The following TPD52L1 variants were observed in gnomAD, a reference collection of about 807,000 sequenced individuals.
TPD52L1 encodes the protein TPD52 like 1.
Under a neutral mutation model 28.7 loss-of-function variants are expected in TPD52L1, and 18 were observed. The ratio of observed to expected loss-of-function variants is 0.63; its 90% CI spans 0.43 to 0.93. TPD52L1 has a LOEUF of 0.93. Ranked by LOEUF, TPD52L1 falls within the 40% of genes least tolerant of loss-of-function variation. The pLI, the probability that TPD52L1 is intolerant of heterozygous loss-of-function variation, is 0.00. For synonymous variants in TPD52L1, 75 were observed against 88.8 expected (o/e 0.84, Z 0.88); for missense variants, 203 against 254.8 (o/e 0.80, Z 1.39).
rs185485034 is a variant in TPD52L1 at position 125,228,039 on chromosome 6, G to A, written c.136-1079G>A. 3.8e-3 allele frequency among the ~76,000 whole-genome samples: 579 copies of A among 152,234 alleles called. 8 individuals carry two copies. The highest frequency in any genetic ancestry group is 0.013 in the African/African-American group (553 of 41,544). On this transcript the variant is annotated intron_variant, in intron 2 of 6. Transcript: ENST00000534000. The stretch of plus-strand genomic sequence containing the variant: ...TAGAATACTACTCTGCAAAAAAAGG[G>A]GAAGAACCATTGATAATGCAGCAAC...
In TPD52L1 at chr6:125,263,001, T is replaced by C; in HGVS notation, c.*39T>C. On this transcript the variant is annotated 3_prime_UTR_variant, in exon 7 of 7. Coordinates refer to ENST00000534000, the MANE Select transcript of TPD52L1 (RefSeq NM_003287.4). ...GCAGCTGCATCCAGAAACCGGCCACTACCCAGCCCATCTCTGCCTGTGCTT... is the reference window on the plus strand; with the variant it reads ...GCAGCTGCATCCAGAAACCGGCCACCACCCAGCCCATCTCTGCCTGTGCTT... 2 of 1,588,580 alleles carry C rather than the reference T, an allele frequency of 1.3e-6. No individual in the cohort carries two copies. The highest frequency in any genetic ancestry group is 1.7e-6 in the Non-Finnish European group (2 of 1,168,048).
chr6:125,244,338 A>C (rs1020008680), intron 3 of TPD52L1, among the ~76,000 whole-genome samples: 2 of 152,232 alleles, frequency 1.3e-5, no homozygotes, highest in South Asian at 2.1e-4. Flanking sequence ...AGGTGGGTAG[A>C]TGTAATACCC....
intron 3 of TPD52L1, among the ~76,000 whole-genome samples, chr6:125,247,907 C>T (rs764751275): frequency 7.2e-5 from 11 of 152,198 alleles, no homozygotes; most frequent in Admixed American, 2.6e-4. Flanking sequence ...CCTGCATTCT[C>T]TAATTTCTGT....
At chr6:125,215,884 T>C (rs1209196442) in intron 1 of TPD52L1, among the ~76,000 whole-genome samples, 3 of 152,168 alleles carry the variant, frequency 2.0e-5, no homozygotes, top group Non-Finnish European at 4.4e-5. Context: ...CCCTGGAGCA[T>C]GTCTTCTCAC....
chr6:125,156,563 A>G (rs1159099230), intron 1 of TPD52L1, among the ~76,000 whole-genome samples: 2 of 151,658 alleles, frequency 1.3e-5, no homozygotes, highest in Non-Finnish European at 2.9e-5. Context: ...TGAGCCCAGG[A>G]GTTTGAGATC....
intron 1 of TPD52L1, among the ~76,000 whole-genome samples, chr6:125,199,696 A>T (rs1264347463): frequency 6.6e-6 from 1 of 152,224 alleles, no homozygotes; most frequent in East Asian, 1.9e-4. Context: ...AAAAAAAATC[A>T]AAATAAAAGT....
intron 1 of TPD52L1, among the ~76,000 whole-genome samples, chr6:125,170,501 G>A (rs1486722820): frequency 6.6e-6 from 1 of 150,688 alleles, no homozygotes; most frequent in Non-Finnish European, 1.5e-5. Context: ...ATAAATCGGA[G>A]TTTCCTAATC....
rs551986767 is a variant in TPD52L1, at chr6:125,175,352, G to A, written c.19+21382G>A. On this transcript the variant is annotated intron_variant, in intron 1 of 6. Coordinates refer to ENST00000534000, the MANE Select transcript of TPD52L1 (RefSeq NM_003287.4). ...TTTCAACTTTTATAAGAAATGAATA[G>A]TTTAAAAATTTTATAAATTATTTTA... Among the ~76,000 whole-genome samples, 332 of 152,224 alleles carry A rather than the reference G, an allele frequency of 2.2e-3. 1 individual carries two copies. Among genetic ancestry groups the A allele is most frequent in the Non-Finnish European group, 3.9e-3 (265 of 68,006 alleles).
At chr6:125,172,532 A>ATATATATAT (rs1554202668) in intron 1 of TPD52L1, among the ~76,000 whole-genome samples, 5 of 95,034 alleles carry the variant, frequency 5.3e-5, no homozygotes, top group Non-Finnish European at 7.8e-5. Flanking sequence ...ATATATATAT[A>ATATATATAT]TATATATATA....
chr6:125,220,444 AT>A (rs1323513627), intron 2 of TPD52L1, among the ~76,000 whole-genome samples: 1 of 152,222 alleles, frequency 6.6e-6, no homozygotes, highest in Admixed American at 6.5e-5. Flanking sequence ...CCAGTTTTAA[AT>A]ATACACTTCT....
intron 1 of TPD52L1, among the ~76,000 whole-genome samples, chr6:125,183,263 A>T (rs1288459246): frequency 2.0e-5 from 3 of 152,156 alleles, no homozygotes; most frequent in African/African-American, 7.2e-5. Flanking sequence ...GGATCACTTG[A>T]GGTCAGGAGT....
chr6:125,239,246 C>T (rs1407628340), intron 3 of TPD52L1, among the ~76,000 whole-genome samples: 2 of 151,982 alleles, frequency 1.3e-5, no homozygotes, highest in African/African-American at 2.4e-5. Context: ...CATTTTTTCA[C>T]GTTTGTTGGC....
intron 3 of TPD52L1, among the ~76,000 whole-genome samples, chr6:125,236,148 T>C (rs1482221989): frequency 1.3e-5 from 2 of 152,188 alleles, no homozygotes; most frequent in Non-Finnish European, 2.9e-5. Flanking sequence ...TCATCATCTG[T>C]AATCTGAAGG....
At chr6:125,156,162 G>A (rs1189285139) in intron 1 of TPD52L1, among the ~76,000 whole-genome samples, 1 of 152,082 alleles carries the variant, frequency 6.6e-6, no homozygotes, top group East Asian at 1.9e-4. Context: ...AAAGTGAACA[G>A]ATTTAATAAA....
intron 6 of TPD52L1, 167 bp downstream of exon 6, chr6:125,257,325 T>A: frequency 1.8e-6 from 1 of 563,038 alleles, no homozygotes. Context: ...TTGAATAGTG[T>A]TACTATATCC....
chr6:125,183,983 T>C lies in TPD52L1; in HGVS notation c.19+30013T>C, dbSNP rs141239719. 2.0e-3 allele frequency among the ~76,000 whole-genome samples: 310 copies of C among 152,232 alleles called. 1 individual carries two copies. Among genetic ancestry groups the C allele is most frequent in the African/African-American group, 7.0e-3 (293 of 41,566 alleles). Reference sequence around the variant, plus strand: ...AAAATCTGGAGATTCTATGGGGAGATAGGGAGAGCATCTATCAATCAGGGT... The same window carrying C: ...AAAATCTGGAGATTCTATGGGGAGACAGGGAGAGCATCTATCAATCAGGGT... On this transcript the variant is annotated intron_variant, in intron 1 of 6. Transcript: ENST00000534000.
intron 3 of TPD52L1, among the ~76,000 whole-genome samples, chr6:125,246,220 A>G (rs902701651): frequency 1.3e-5 from 2 of 152,174 alleles, no homozygotes; most frequent in East Asian, 3.9e-4. Context: ...CTGGATTTTC[A>G]GATTCCCTAG....
At chr6:125,175,179 G>A (rs895682351) in intron 1 of TPD52L1, among the ~76,000 whole-genome samples, 5 of 151,800 alleles carry the variant, frequency 3.3e-5, no homozygotes, top group East Asian at 3.9e-4. Flanking sequence ...CTTTATTGCC[G>A]TATCCCCATA....
At chr6:125,197,966 T>C (rs1793553201) in intron 1 of TPD52L1, among the ~76,000 whole-genome samples, 1 of 152,178 alleles carries the variant, frequency 6.6e-6, no homozygotes, top group African/African-American at 2.4e-5. Flanking sequence ...CTGGAACTTC[T>C]GAGTGAGTCC....
Sources: allele counts gnomAD v4.1 joint callset (sites outside exome capture counted in the v4.1 genomes callset), GRCh38; gene constraint gnomAD v4.1.1; transcripts MANE v1.5; gene names NCBI Gene and HGNC (gene_info 2026-07-23, HGNC 2026-07-21).